BNC2: variants seen among roughly 807,000 people sequenced by gnomAD.
BNC2 encodes the protein basonuclin zinc finger protein 2, also known as zinc finger protein basonuclin-2.
BNC2 carries 20 observed loss-of-function variants against 76.3 expected under a neutral mutation model. That is an observed-to-expected ratio of 0.26 (90% CI 0.18 to 0.38). The LOEUF is 0.38. BNC2 is among the 10% of genes least tolerant of loss of function. BNC2 has a pLI of 1.00. For missense variants in BNC2, 1,382 were observed against 1,399.8 expected (o/e 0.99, Z 0.20); for synonymous variants, 582 against 514.8 (o/e 1.13, Z -1.77).
intron 3 of BNC2, among the ~76,000 whole-genome samples, chr9:16,666,258 A>G (rs76061471): frequency 0.018 from 2,671 of 152,224 alleles, 81 homozygotes; most frequent in African/African-American, 0.059. Flanking sequence ...ATCTCTATCT[A>G]TCTGATTTTG....
intron 1 of BNC2, among the ~76,000 whole-genome samples, chr9:16,780,243 A>AAC (rs1554729451): frequency 1.1e-4 from 12 of 111,296 alleles, no homozygotes; most frequent in African/African-American, 3.2e-4. Flanking sequence ...TTCAAAAAAA[A>AAC]AAAAAAAAAA....
chr9:16,418,098 G>T lies in BNC2; in HGVS notation c.*891C>A, dbSNP rs997718438. ...ATTTTTTTTAAAAAAGACACTTACT[G>T]AAGTATGGCAATAGTTTAAGGATAA... On this transcript the variant is annotated 3_prime_UTR_variant, in exon 7 of 7. Coordinates refer to ENST00000380672, the MANE Select transcript of BNC2 (RefSeq NM_017637.6). 1 of 152,544 alleles carries T rather than the reference G, an allele frequency of 6.6e-6. No individual in the cohort carries two copies. The highest frequency in any genetic ancestry group is 2.4e-5 in the African/African-American group (1 of 41,394). 9.4% of individuals were successfully genotyped at this position (152,544 alleles called of 1,614,324 possible).
intron 3 of BNC2, among the ~76,000 whole-genome samples, chr9:16,610,083 G>T (rs1308629247): frequency 6.6e-6 from 1 of 151,980 alleles, no homozygotes; most frequent in African/African-American, 2.4e-5. Context: ...TAAAGGAAAG[G>T]CCCAGCAACA....
intron 1 of BNC2, among the ~76,000 whole-genome samples, chr9:16,793,713 T>TGGAG (rs1817573568): frequency 7.7e-6 from 1 of 130,564 alleles, no homozygotes; most frequent in Non-Finnish European, 1.6e-5. Flanking sequence ...TCCCCCAGGC[T>TGGAG]TGAGTGCAGT....
At chr9:16,613,445 T>C (rs1820609039) in intron 3 of BNC2, among the ~76,000 whole-genome samples, 1 of 152,190 alleles carries the variant, frequency 6.6e-6, no homozygotes, top group South Asian at 2.1e-4. Flanking sequence ...AAATGCCACA[T>C]GTTATTGAAA....
chr9:16,619,046 A>G (rs565808380), intron 3 of BNC2, among the ~76,000 whole-genome samples: 25 of 152,322 alleles, frequency 1.6e-4, no homozygotes, highest in African/African-American at 5.8e-4. Context: ...TGCTGGGTGC[A>G]AAGATCACTA....
Position 16,419,664 on chromosome 9 carries a change from GGGAAGGGGGGGTACGT to G in BNC2, c.2640-31_2640-16del. The G allele has an allele frequency of 1.2e-6, 1 of 844,580 alleles. No individual in the cohort carries two copies. Among genetic ancestry groups the G allele is most frequent in the Non-Finnish European group, 1.8e-6 (1 of 566,958 alleles). 52.3% of individuals were successfully genotyped at this position (844,580 alleles called of 1,614,324 possible). On this transcript the variant is annotated splice_polypyrimidine_tract_variant and intron_variant, in intron 6 of 6. Coordinates refer to ENST00000380672, the MANE Select transcript of BNC2 (RefSeq NM_017637.6). ...TGGCACTGTGTCTAGGAAAACAAGA[GGGAAGGGGGGGTACGT>G]GGATGGGGGGTGGGGAAAGGTGAGA... is the stretch of plus-strand genomic sequence containing the variant.
At chr9:16,523,344 G>A (rs34861043) in intron 5 of BNC2, among the ~76,000 whole-genome samples, 5,665 of 151,698 alleles carry the variant, frequency 0.037, 358 homozygotes, top group African/African-American at 0.13. Flanking sequence ...GGTGGCAGGC[G>A]CCTGTGGTCC....
rs536870950 is a variant in BNC2 at position 16,679,209 on chromosome 9, T to C, written c.330+48588A>G. 1.8e-3 allele frequency among the ~76,000 whole-genome samples: 269 copies of C among 152,272 alleles called. 2 individuals are homozygous for C. The highest frequency in any genetic ancestry group is 0.017 in the Middle Eastern group (5 of 294). On this transcript the variant is annotated intron_variant, in intron 3 of 6. Transcript: ENST00000380672. ...CTTTACCTGGTGGCTTGCTTCTTTCTGCCCATCCACCTACACATCCTCTCT... is the reference window on the plus strand; with the variant it reads ...CTTTACCTGGTGGCTTGCTTCTTTCCGCCCATCCACCTACACATCCTCTCT...
At chr9:16,783,922 A>G (rs548409347) in intron 1 of BNC2, among the ~76,000 whole-genome samples, 2 of 152,342 alleles carry the variant, frequency 1.3e-5, no homozygotes, top group African/African-American at 4.8e-5. Flanking sequence ...AAATATCGAT[A>G]CATATATGAA....
At chr9:16,445,465 G>C (rs1821213343) in intron 5 of BNC2, among the ~76,000 whole-genome samples, 1 of 151,954 alleles carries the variant, frequency 6.6e-6, no homozygotes, top group African/African-American at 2.4e-5. Context: ...TATCACGGTT[G>C]TATGTACCAA....
Position 16,436,566 on chromosome 9 carries a change from G to A in BNC2, c.1628C>T (p.Thr543Ile), listed in dbSNP as rs765789866. ...TTGCAAGACAGGGTCTAGAGGGGGA[G>A]TGGTAAAACCCATTGGGGGTCGGCC... is the stretch of plus-strand genomic sequence containing the variant. ...SPGRPPMGFT[T>I]PPLDPVLQNP... is the part of the protein sequence containing the mutation. Residue 543 changes from threonine to isoleucine, a missense_variant, in exon 6 of 7, where the codon ACT becomes ATT. Thr to Ile is a moderately conservative substitution (Grantham distance 89, BLOSUM62 -1). Coordinates refer to ENST00000380672, the MANE Select transcript of BNC2 (RefSeq NM_017637.6). 1 of 1,614,106 alleles carries A rather than the reference G, an allele frequency of 6.2e-7. No homozygotes were observed. Among genetic ancestry groups the A allele is most frequent in the South Asian group, 1.1e-5 (1 of 91,072 alleles).
chr9:16,788,796 T>G lies in BNC2; in HGVS notation c.4-50311A>C, dbSNP rs559447876. ...TGCCTCACACCCTGCCAAGGTTGACTTGCAGGACAATCCCACACTCCTCAG... is the reference window on the plus strand; with the variant it reads ...TGCCTCACACCCTGCCAAGGTTGACGTGCAGGACAATCCCACACTCCTCAG... On this transcript the variant is annotated intron_variant, in intron 1 of 6. Coordinates refer to ENST00000380672, the MANE Select transcript of BNC2 (RefSeq NM_017637.6). Among the ~76,000 whole-genome samples the G allele has an allele frequency of 1.0e-3, 154 of 152,240 alleles. No homozygotes were observed. The Middle Eastern group carries it at 0.01, about 10-fold the overall frequency.
intron 4 of BNC2, among the ~76,000 whole-genome samples, chr9:16,566,536 A>G (rs1819173767): frequency 6.6e-6 from 1 of 152,204 alleles, no homozygotes; most frequent in East Asian, 1.9e-4. Flanking sequence ...TACTAGGTCA[A>G]GTATTACTTG....
At chr9:16,823,150 C>A (rs1818379339) in intron 1 of BNC2, among the ~76,000 whole-genome samples, 1 of 152,088 alleles carries the variant, frequency 6.6e-6, no homozygotes, top group Non-Finnish European at 1.5e-5. Flanking sequence ...GTTTTATTTA[C>A]AAGAACCACA....
At chr9:16,532,012 C>G (rs897767699) in intron 5 of BNC2, among the ~76,000 whole-genome samples, 1 of 151,498 alleles carries the variant, frequency 6.6e-6, no homozygotes, top group African/African-American at 2.4e-5. Context: ...CAGTTGCTAA[C>G]GCATATTAAA....
intron 1 of BNC2, among the ~76,000 whole-genome samples, chr9:16,841,849 G>C (rs911625011): frequency 4.2e-5 from 6 of 143,438 alleles, no homozygotes; most frequent in Non-Finnish European, 7.5e-5. Flanking sequence ...CACTCTTGTT[G>C]CCCAGGCTGG....
At chr9:16,588,743 T>C (rs190627124) in intron 3 of BNC2, among the ~76,000 whole-genome samples, 4 of 152,346 alleles carry the variant, frequency 2.6e-5, no homozygotes, top group African/African-American at 7.2e-5. Flanking sequence ...ATACAGAGGA[T>C]AGGTTCTGTT....
chr9:16,615,219 T>C (rs1341721668), intron 3 of BNC2, among the ~76,000 whole-genome samples: 1 of 152,130 alleles, frequency 6.6e-6, no homozygotes, highest in African/African-American at 2.4e-5. Context: ...CCCCACATCT[T>C]CCTAGATGTC....
Sources: allele counts gnomAD v4.1 joint callset (sites outside exome capture counted in the v4.1 genomes callset), GRCh38; gene constraint gnomAD v4.1.1; transcripts MANE v1.5; gene names NCBI Gene and HGNC (gene_info 2026-07-23, HGNC 2026-07-21).